Variants in NT5M observed in about 807,000 individuals in gnomAD.
NT5M encodes 5'(3')-deoxyribonucleotidase, mitochondrial.
Under a neutral mutation model 22.2 loss-of-function variants are expected in NT5M, and 22 were observed. That is an observed-to-expected ratio of 0.99 (90% CI 0.71 to 1.41). NT5M has a LOEUF of 1.41. NT5M is among the 40% of genes most tolerant of loss of function. NT5M has a pLI of 0.00. For missense variants in NT5M, 322 were observed against 314.8 expected (o/e 1.02, Z -0.17); for synonymous variants, 167 against 133.0 (o/e 1.26, Z -1.76).
chr17:17,320,639 G>T (rs899579917), intron 2 of NT5M, among the ~76,000 whole-genome samples: 5 of 152,166 alleles, frequency 3.3e-5, no homozygotes. Flanking sequence ...GTCCAGGTGG[G>T]TGGAAACTTG....
chr17:17,332,925 T>C (rs770366706), intron 3 of NT5M, among the ~76,000 whole-genome samples: 4 of 152,130 alleles, frequency 2.6e-5, no homozygotes, highest in Non-Finnish European at 4.4e-5. Flanking sequence ...TCAATTTTGC[T>C]GTAAACCTAA....
intron 1 of NT5M, chr17:17,304,240 C>A: frequency 4.0e-6 from 1 of 247,274 alleles, no homozygotes; most frequent in Non-Finnish European, 6.5e-6. Flanking sequence ...TTACTGTTGT[C>A]CATGAAAGCA....
At chr17:17,345,506 C>T (rs920580373) in intron 4 of NT5M, among the ~76,000 whole-genome samples, 9 of 151,752 alleles carry the variant, frequency 5.9e-5, no homozygotes, top group African/African-American at 2.4e-5. Flanking sequence ...ACAAAAAATA[C>T]AAAAATTATC....
chr17:17,318,642 G>A (rs2049085281), intron 2 of NT5M, among the ~76,000 whole-genome samples: 1 of 151,168 alleles, frequency 6.6e-6, no homozygotes, highest in Admixed American at 6.6e-5. Flanking sequence ...AAAATTAGCT[G>A]GACGTGGTGG....
chr17:17,331,066 T>A (rs2049375337), intron 3 of NT5M, among the ~76,000 whole-genome samples: 1 of 151,644 alleles, frequency 6.6e-6, no homozygotes, highest in Non-Finnish European at 1.5e-5. Flanking sequence ...TACATTAAAT[T>A]TCCAGTTGCT....
intron 2 of NT5M, among the ~76,000 whole-genome samples, chr17:17,320,308 AAG>A (rs1245165086): frequency 2.6e-5 from 4 of 152,166 alleles, no homozygotes; most frequent in African/African-American, 9.7e-5. Context: ...CTGGAAGTTG[AAG>A]AGTCAGTGGA....
intron 4 of NT5M, chr17:17,345,410 G>A (rs1271986765): frequency 2.7e-5 from 8 of 295,348 alleles, no homozygotes; most frequent in South Asian, 1.3e-4. Context: ...GGTGACTCAC[G>A]CCTGTAATTT....
chr17:17,326,721 A>G (rs1210253989), intron 3 of NT5M, among the ~76,000 whole-genome samples: 1 of 152,178 alleles, frequency 6.6e-6, no homozygotes, highest in Non-Finnish European at 1.5e-5. Flanking sequence ...CTGTCCTAAA[A>G]GGCTGCAGTT....
At chr17:17,342,072 A>G (rs988492815) in intron 3 of NT5M, among the ~76,000 whole-genome samples, 2 of 152,246 alleles carry the variant, frequency 1.3e-5, no homozygotes, top group African/African-American at 4.8e-5. Flanking sequence ...GGTTAAATAC[A>G]TATAAATACA....
At chr17:17,343,590 C>T (rs758299313) in intron 3 of NT5M, among the ~76,000 whole-genome samples, 2 of 152,152 alleles carry the variant, frequency 1.3e-5, no homozygotes, top group Non-Finnish European at 2.9e-5. Flanking sequence ...ATTTCCTTGT[C>T]ATACACAGGG....
intron 1 of NT5M, among the ~76,000 whole-genome samples, chr17:17,305,722 C>A (rs551381634): frequency 1.3e-5 from 2 of 152,172 alleles, no homozygotes; most frequent in South Asian, 4.1e-4. Context: ...ATGTGTCTCC[C>A]CTCTGGTTGT....
chr17:17,320,396 C>T (rs1035305723), intron 2 of NT5M, among the ~76,000 whole-genome samples: 1 of 151,774 alleles, frequency 6.6e-6, no homozygotes, highest in South Asian at 2.1e-4. Context: ...GGGTGGATGA[C>T]GTGTGCTTTG....
chr17:17,346,662 G>A (rs2049764960), intron 4 of NT5M, 143 bp from the exon 5 acceptor site: 2 of 895,992 alleles, frequency 2.2e-6, no homozygotes, highest in Middle Eastern at 3.5e-4. Flanking sequence ...CGCTGCGAAG[G>A]CGGGTGTGCG....
intron 2 of NT5M, among the ~76,000 whole-genome samples, chr17:17,307,877 T>C (rs2048841185): frequency 1.3e-5 from 2 of 151,426 alleles, no homozygotes; most frequent in Non-Finnish European, 2.9e-5. Flanking sequence ...AAAGAAACCC[T>C]GTCTCTACTA....
rs2048723247 is a variant in NT5M at position 17,303,467 on chromosome 17, C to T, written c.-84C>T. ...CGCGCCCCAGCGTTGGGGGCTTCTC[C>T]TCCGCGGCGGGAATGTCTGGCCGGC... On this transcript the variant is annotated 5_prime_UTR_variant, in exon 1 of 5. Coordinates refer to ENST00000389022, the MANE Select transcript of NT5M (RefSeq NM_020201.4). The T allele has an allele frequency of 9.9e-7, 1 of 1,008,992 alleles. No homozygotes were observed. The highest frequency in any genetic ancestry group is 1.2e-6 in the Non-Finnish European group (1 of 846,534). 62.5% of individuals were successfully genotyped at this position (1,008,992 alleles called of 1,614,324 possible).
In NT5M at chr17:17,303,607, GGGGCGGCGCGGGGCGGC is replaced by G; in HGVS notation, c.64_80del (p.Arg22AlafsTer21). ...GGCTCTGCAGCGCGGCGGTTCCCGC[GGGGCGGCGCGGGGCGGC>G]GGGCGGGCTGGGCCTGGCGGGAGGC... On this transcript the variant is annotated frameshift_variant, in exon 1 of 5. Coordinates refer to ENST00000389022, the MANE Select transcript of NT5M (RefSeq NM_020201.4). LOFTEE classifies it high-confidence loss of function. The G allele has an allele frequency of 8.1e-7, 1 of 1,241,944 alleles. No homozygotes were observed. The highest frequency in any genetic ancestry group is 1.0e-6 in the Non-Finnish European group (1 of 987,804). 76.9% of individuals were successfully genotyped at this position (1,241,944 alleles called of 1,614,324 possible). A position where few individuals can be genotyped will look rare whatever the true frequency, so the allele number is the denominator to read the frequency against.
chr17:17,333,785 G>A (rs1203894451), intron 3 of NT5M, among the ~76,000 whole-genome samples: 2 of 151,068 alleles, frequency 1.3e-5, no homozygotes, highest in East Asian at 1.9e-4. Context: ...ATCCTCCCTA[G>A]TAGCTGGGAT....
chr17:17,338,949 G>C (rs930741998), intron 3 of NT5M, among the ~76,000 whole-genome samples: 8 of 151,654 alleles, frequency 5.3e-5, no homozygotes, highest in African/African-American at 1.9e-4. Flanking sequence ...GGATGGTCTC[G>C]ATTTCCTGAC....
At chr17:17,307,687 C>T (rs1009649050) in intron 2 of NT5M, among the ~76,000 whole-genome samples, 3 of 152,056 alleles carry the variant, frequency 2.0e-5, no homozygotes, top group African/African-American at 7.2e-5. Flanking sequence ...GAAACCCCGT[C>T]TCTACTAAAA....
Sources: allele counts gnomAD v4.1 joint callset (sites outside exome capture counted in the v4.1 genomes callset), GRCh38; gene constraint gnomAD v4.1.1; transcripts MANE v1.5; gene names NCBI Gene and HGNC (gene_info 2026-07-23, HGNC 2026-07-21).